DENND1A: variants seen among roughly 807,000 people sequenced by gnomAD.
The protein encoded by DENND1A is DENN domain-containing protein 1A.
In DENND1A, 51 loss-of-function variants were observed where a neutral mutation model predicts 113.7. The observed-to-expected ratio is 0.45, with a 90% CI of 0.36 to 0.57. DENND1A has a LOEUF of 0.57. Among genes scored for constraint, DENND1A ranks in the 20% least tolerant of loss-of-function variants. The probability of loss-of-function intolerance (pLI) is 0.00; values close to 1 mark genes in which losing one functional copy is unlikely to be tolerated. For synonymous variants in DENND1A, 565 were observed against 570.8 expected, an observed-to-expected ratio of 0.99 and a Z score of 0.14; for missense variants, 1,258 against 1,395.9, an observed-to-expected ratio of 0.90 and a Z score of 1.57.
At chr9:123,710,148 A>T (rs1236801127) in intron 5 of DENND1A, among the ~76,000 whole-genome samples, 1 of 152,202 alleles carries the variant, frequency 6.6e-6, no homozygotes, top group Non-Finnish European at 1.5e-5. Flanking sequence ...AGCACTTCCA[A>T]ATCTTTACCT....
At chr9:123,597,603 G>A (rs1357448130) in intron 11 of DENND1A, among the ~76,000 whole-genome samples, 2 of 152,160 alleles carry the variant, frequency 1.3e-5, no homozygotes, top group Admixed American at 1.3e-4. Flanking sequence ...TCAAAAGGAT[G>A]GGCCCTAGGG....
chr9:123,590,430 C>A (rs865951021), intron 11 of DENND1A, among the ~76,000 whole-genome samples: 1 of 152,152 alleles, frequency 6.6e-6, no homozygotes, highest in African/African-American at 2.4e-5. Context: ...TTAATCTCTA[C>A]CATCCACCAG....
At chr9:123,667,100 T>C (rs776332625) in intron 7 of DENND1A, 21 bp from the exon 8 acceptor site, 1 of 1,590,486 alleles carries the variant, frequency 6.3e-7, no homozygotes, top group South Asian at 1.2e-5. Context: ...AAAGCAAAAG[T>C]GATTTATTTC....
At chr9:123,552,027 G>GAGAGAC (rs1564703060) in intron 13 of DENND1A, among the ~76,000 whole-genome samples, 3 of 143,138 alleles carry the variant, frequency 2.1e-5, no homozygotes, top group African/African-American at 8.3e-5. Context: ...GCGAGAGAGA[G>GAGAGAC]AGAGAGAGAG....
chr9:123,625,940 G>A (rs1287731796), intron 10 of DENND1A, among the ~76,000 whole-genome samples: 1 of 152,132 alleles, frequency 6.6e-6, no homozygotes, highest in East Asian at 1.9e-4. Flanking sequence ...CACCCAGACT[G>A]GAGGGCAGTG....
intron 2 of DENND1A, among the ~76,000 whole-genome samples, chr9:123,809,453 T>C (rs1236547472): frequency 2.6e-5 from 4 of 152,326 alleles, no homozygotes; most frequent in African/African-American, 9.6e-5. Context: ...AATTCTATCA[T>C]TCTATGATCT....
chr9:123,705,592 G>C (rs2066144715), intron 5 of DENND1A, among the ~76,000 whole-genome samples: 1 of 152,042 alleles, frequency 6.6e-6, no homozygotes, highest in African/African-American at 2.4e-5. Flanking sequence ...TAGGTCCTTA[G>C]GGGAAAAAAA....
chr9:123,594,474 T>G (rs1016558182), intron 11 of DENND1A, among the ~76,000 whole-genome samples: 1 of 152,002 alleles, frequency 6.6e-6, no homozygotes, highest in South Asian at 2.1e-4. Context: ...ATACCTTTAT[T>G]CTACCCAAGG....
At chr9:123,646,519 C>G (rs1338739290) in intron 9 of DENND1A, among the ~76,000 whole-genome samples, 2 of 152,104 alleles carry the variant, frequency 1.3e-5, no homozygotes, top group African/African-American at 2.4e-5. Flanking sequence ...AGCTTGCTTA[C>G]TGCTGGAGTA....
chr9:123,557,024 G>A (rs1307887020), intron 13 of DENND1A, among the ~76,000 whole-genome samples: 2 of 152,150 alleles, frequency 1.3e-5, no homozygotes, highest in African/African-American at 4.8e-5. Context: ...TCTTCATTGT[G>A]GTCACTTACA....
intron 5 of DENND1A, among the ~76,000 whole-genome samples, chr9:123,740,115 C>A (rs950814580): frequency 6.6e-6 from 1 of 152,062 alleles, no homozygotes; most frequent in Admixed American, 6.6e-5. Flanking sequence ...TGCAATCTTG[C>A]GCAACATGTT....
chr9:123,559,267 T>C (rs1172344308), intron 12 of DENND1A, among the ~76,000 whole-genome samples: 1 of 152,182 alleles, frequency 6.6e-6, no homozygotes, highest in Non-Finnish European at 1.5e-5. Context: ...ATTTTTTTCC[T>C]TCATCTTGAG....
In DENND1A at chr9:123,753,675, T is replaced by C. The variant is rs188369922; in HGVS notation, c.302+4028A>G. Among the ~76,000 whole-genome samples the C allele has an allele frequency of 1.8e-4, 27 of 151,180 alleles. No individual in the cohort carries two copies. In the East Asian group the frequency reaches 4.8e-3, roughly 27 times the overall value. ...CTCTGATCCCAATGCACACAATATC[T>C]TGGATAAGCACTACACTAACTGCTG... On this transcript the variant is annotated intron_variant, in intron 5 of 23. Transcript: ENST00000394215.
At chr9:123,516,919 A>AG (rs2053976678) in intron 13 of DENND1A, among the ~76,000 whole-genome samples, 6 of 133,624 alleles carry the variant, frequency 4.5e-5, no homozygotes, top group African/African-American at 1.4e-4. Flanking sequence ...AAAAAAAAAA[A>AG]GAACGGACAA....
In DENND1A at chr9:123,676,588, T is replaced by G. The variant is rs544726770; in HGVS notation, c.372+132A>C. 105 of 733,826 alleles carry G rather than the reference T, an allele frequency of 1.4e-4. 3 individuals carry two copies. In the South Asian group the frequency reaches 2.1e-3, roughly 15 times the overall value. 45.5% of individuals were successfully genotyped at this position (733,826 alleles called of 1,614,324 possible). A position where few individuals can be genotyped will look rare whatever the true frequency, so the allele number is the denominator to read the frequency against. On this transcript the variant is annotated intron_variant, in intron 6 of 23. Transcript: ENST00000394215. ...GTGATTTTCTTTTCCTTCCTATTAT[T>G]TTCTGAATTTCCCAAAATTCCTATA...
chr9:123,414,552 T>C (rs1216378475), intron 19 of DENND1A: 1 of 1,550,132 alleles, frequency 6.5e-7, no homozygotes, highest in Non-Finnish European at 8.7e-7. Context: ...TGAGAAATGC[T>C]GTCTTCTGTC....
In DENND1A at chr9:123,381,603, C is replaced by T. The variant is rs2042271564; in HGVS notation, c.3042G>A (p.Arg1014=). 6.2e-7 allele frequency: 1 copy of T among 1,613,138 alleles called. No homozygotes were observed. The highest frequency in any genetic ancestry group is 1.3e-5 in the African/African-American group (1 of 75,006). Residue 1014 remains arginine (R), a synonymous_variant, in exon 24 of 24, where the codon AGG becomes AGA. Transcript: ENST00000394215. This position sits in a 1 kb window ranked among gnomAD's most constrained non-coding sequence, Gnocchi z 4.7. ...RPGDPPLLPP[R]PPQGLEPTLQ... The stretch of plus-strand genomic sequence containing the variant: ...GTGTTGGCTCCAGGCCTTGAGGGGG[C>T]CTGGGAGGCAGAAGCGGGGGGTCTC...
chr9:123,486,585 C>G (rs1490998159), intron 13 of DENND1A, among the ~76,000 whole-genome samples: 1 of 152,166 alleles, frequency 6.6e-6, no homozygotes, highest in African/African-American at 2.4e-5. Flanking sequence ...ACAGGAGCCT[C>G]TTGGAAAGTT....
chr9:123,553,410 C>A (rs750774024), intron 13 of DENND1A, among the ~76,000 whole-genome samples: 6 of 151,246 alleles, frequency 4.0e-5, no homozygotes, highest in East Asian at 3.9e-4. Flanking sequence ...GCCCCCCCCC[C>A]GCTCCTCATC....
Sources: allele counts gnomAD v4.1 joint callset (sites outside exome capture counted in the v4.1 genomes callset), GRCh38; gene constraint gnomAD v4.1.1; non-coding constraint Gnocchi (gnomAD v3.1); transcripts MANE v1.5; gene names NCBI Gene and HGNC (gene_info 2026-07-23, HGNC 2026-07-21).